The following MANBA variants were observed in gnomAD, a reference collection of about 807,000 sequenced individuals.
MANBA encodes the protein beta-mannosidase.
Under a neutral mutation model 111.1 loss-of-function variants are expected in MANBA, and 83 were observed. The ratio of observed to expected loss-of-function variants is 0.75; its 90% CI spans 0.63 to 0.90. MANBA has a LOEUF of 0.90. Among genes scored for constraint, MANBA ranks in the 40% least tolerant of loss-of-function variants. The pLI is 0.00. For missense variants in MANBA, 1,036 were observed against 1,069.0 expected (o/e 0.97, Z 0.43); for synonymous variants, 370 against 378.7 (o/e 0.98, Z 0.27).
At chr4:102,749,555 T>C (rs1357701427) in intron 1 of MANBA, among the ~76,000 whole-genome samples, 1 of 152,242 alleles carries the variant, frequency 6.6e-6, no homozygotes, top group Non-Finnish European at 1.5e-5. Flanking sequence ...ACTGTTCCAT[T>C]TGTTTACTAT....
chr4:102,706,440 T>C lies in MANBA; in HGVS notation c.673+7998A>G, dbSNP rs1054533977. Among the ~76,000 whole-genome samples, 12 of 152,306 alleles carry C rather than the reference T, an allele frequency of 7.9e-5. No homozygotes were observed. In the East Asian group the frequency reaches 2.1e-3, roughly 27 times the overall value. On this transcript the variant is annotated intron_variant, in intron 5 of 16. Transcript: ENST00000647097. Reference sequence around the variant, plus strand: ...TGCCCTACCCAAACAATACCACAGATACATCTTCAGGAAAAATTCCTCCCC... The same window carrying C: ...TGCCCTACCCAAACAATACCACAGACACATCTTCAGGAAAAATTCCTCCCC...
chr4:102,727,434 C>T, intron 1 of MANBA: 1 of 1,259,232 alleles, frequency 7.9e-7, no homozygotes, highest in Non-Finnish European at 1.2e-6. Context: ...TGGTATAGGC[C>T]AATTGCACAT....
At chr4:102,751,420 A>T (rs548991764) in intron 1 of MANBA, 1 of 475,594 alleles carries the variant, frequency 2.1e-6, no homozygotes, top group South Asian at 1.6e-5. Flanking sequence ...CTCCAAACAC[A>T]TTTCTACACC....
chr4:102,689,357 A>AT (rs1338366947), intron 7 of MANBA, among the ~76,000 whole-genome samples: 284 of 108,322 alleles, frequency 2.6e-3, no homozygotes, highest in African/African-American at 7.9e-3. Context: ...TCAAAAAAAA[A>AT]AAATATATAT....
intron 1 of MANBA, chr4:102,728,873 C>G: frequency 1.1e-5 from 9 of 803,078 alleles, no homozygotes; most frequent in South Asian, 1.1e-4. Flanking sequence ...AGAGCCAAAG[C>G]TGGGGCTTGG....
intron 1 of MANBA, among the ~76,000 whole-genome samples, chr4:102,746,048 G>A (rs536734637): frequency 2.6e-5 from 4 of 152,302 alleles, no homozygotes; most frequent in African/African-American, 7.2e-5. Context: ...TCCAGGCAGC[G>A]CATGGTTTAT....
intron 12 of MANBA, among the ~76,000 whole-genome samples, chr4:102,655,976 T>C (rs1484642579): frequency 6.6e-6 from 1 of 152,108 alleles, no homozygotes; most frequent in Non-Finnish European, 1.5e-5. Context: ...GATCAGGCCA[T>C]GCATAGTGGC....
intron 13 of MANBA, among the ~76,000 whole-genome samples, chr4:102,646,915 C>T (rs1250170431): frequency 6.6e-6 from 1 of 152,056 alleles, no homozygotes; most frequent in Non-Finnish European, 1.5e-5. Flanking sequence ...ATTTACTGGA[C>T]AGTTTTCTCA....
chr4:102,696,541 G>T (rs1298868013), intron 5 of MANBA, among the ~76,000 whole-genome samples: 1 of 152,196 alleles, frequency 6.6e-6, no homozygotes, highest in Non-Finnish European at 1.5e-5. Context: ...AAGTGTCGCA[G>T]TTAAGAATAC....
rs544558416 is a variant in MANBA, at chr4:102,759,806, C to T, written c.177+912G>A. Among the ~76,000 whole-genome samples, 21 of 152,250 alleles carry T rather than the reference C, an allele frequency of 1.4e-4. 2 individuals are homozygous for T. In the South Asian group the frequency reaches 3.9e-3, roughly 29 times the overall value. On this transcript the variant is annotated intron_variant, in intron 1 of 16. Coordinates refer to ENST00000647097, the MANE Select transcript of MANBA (RefSeq NM_005908.4). ...TTTCCATTTAGTTGCTGTCACCTTC[C>T]TAATTTCTCTGTGTTCCATAATTCC... is the stretch of plus-strand genomic sequence containing the variant.
At chr4:102,684,901 T>C (rs1439154484) in intron 7 of MANBA, among the ~76,000 whole-genome samples, 2 of 152,206 alleles carry the variant, frequency 1.3e-5, no homozygotes, top group Non-Finnish European at 2.9e-5. Context: ...GAATTGCTTA[T>C]TTCTGGAGTT....
At chr4:102,677,187 G>T (rs1388348366) in intron 7 of MANBA, among the ~76,000 whole-genome samples, 1 of 152,170 alleles carries the variant, frequency 6.6e-6, no homozygotes, top group Non-Finnish European at 1.5e-5. Flanking sequence ...TGGTTATTCA[G>T]ACTTGGATAC....
At chr4:102,696,235 AAAG>A (rs2110250086) in intron 5 of MANBA, among the ~76,000 whole-genome samples, 1 of 152,242 alleles carries the variant, frequency 6.6e-6, no homozygotes, top group South Asian at 2.1e-4. Context: ...CAAAGTAAAA[AAAG>A]AAAGGACACT....
chr4:102,723,048 TAA>T lies in MANBA; in HGVS notation c.379-9_379-8del. 6.2e-7 allele frequency: 1 copy of T among 1,612,438 alleles called. No homozygotes were observed. The highest frequency in any genetic ancestry group is 1.7e-4 in the Middle Eastern group (1 of 6,058). ...CGTTGGTAATATCAAAGCTCTAAGT[TAA>T]AGGGAACAATCAGACAAACCCATGA... is the stretch of plus-strand genomic sequence containing the variant. On this transcript the variant is annotated splice_polypyrimidine_tract_variant and splice_region_variant and intron_variant, in intron 3 of 16. Coordinates refer to ENST00000647097, the MANE Select transcript of MANBA (RefSeq NM_005908.4).
intron 5 of MANBA, among the ~76,000 whole-genome samples, chr4:102,709,244 G>A (rs1356781436): frequency 2.9e-5 from 4 of 136,432 alleles, no homozygotes; most frequent in Non-Finnish European, 6.2e-5. Context: ...AAAAAGAAAG[G>A]AAGAAAGAAA....
intron 11 of MANBA, among the ~76,000 whole-genome samples, chr4:102,661,306 T>G (rs1730942006): frequency 6.6e-6 from 1 of 152,202 alleles, no homozygotes; most frequent in Non-Finnish European, 1.5e-5. Context: ...ATTTTGAAGC[T>G]ACATTTTTTA....
At chr4:102,662,551 CA>C (rs35519059) in intron 11 of MANBA, 40,262 of 85,146 alleles carry the variant, frequency 0.47, 5,598 homozygotes, top group East Asian at 0.53. Flanking sequence ...GACTCCATCT[CA>C]AAAAAAAAAA....
chr4:102,634,095 G>A (rs6844332), intron 16 of MANBA, among the ~76,000 whole-genome samples: 83,149 of 151,500 alleles, frequency 0.55, 23,212 homozygotes, highest in African/African-American at 0.63. Flanking sequence ...AAACATATAT[G>A]TGTACATATA....
chr4:102,702,432 T>C (rs1215601130), intron 5 of MANBA, among the ~76,000 whole-genome samples: 2 of 152,142 alleles, frequency 1.3e-5, no homozygotes, highest in East Asian at 3.9e-4. Flanking sequence ...GGAGAGGTGC[T>C]CTGCTTTTTA....
Sources: gnomAD v4.1 joint callset for allele counts (sites outside exome capture counted in the v4.1 genomes callset) on GRCh38, gnomAD v4.1.1 for gene constraint, MANE v1.5 for transcripts, NCBI Gene and HGNC (gene_info 2026-07-23, HGNC 2026-07-21) for gene names.